EGFR: variants seen among roughly 807,000 people sequenced by gnomAD.
EGFR encodes epidermal growth factor receptor, also known as avian erythroblastic leukemia viral (v-erb-b) oncogene homolog.
In EGFR, 58 loss-of-function variants were observed where a neutral mutation model predicts 143.0. That is an observed-to-expected ratio of 0.41 (90% CI 0.33 to 0.50). The LOEUF (loss-of-function observed/expected upper bound fraction) is 0.50. Among genes scored for constraint, EGFR ranks in the 20% least tolerant of loss-of-function variants. The probability of loss-of-function intolerance (pLI) is 0.39; values close to 1 mark genes in which losing one functional copy is unlikely to be tolerated. For synonymous variants in EGFR, 613 were observed against 594.4 expected, an observed-to-expected ratio of 1.03 and a Z score of -0.45; for missense variants, 1,307 against 1,579.0, an observed-to-expected ratio of 0.83 and a Z score of 2.92.
intron 1 of EGFR, among the ~76,000 whole-genome samples, chr7:55,107,838 C>T (rs1481479749): frequency 6.6e-6 from 1 of 152,194 alleles, no homozygotes; most frequent in South Asian, 2.1e-4. Context: ...TCAAAAGACA[C>T]GCCTACTTGT....
chr7:55,056,929 A>C (rs572111877), intron 1 of EGFR, among the ~76,000 whole-genome samples: 7 of 152,352 alleles, frequency 4.6e-5, no homozygotes, highest in African/African-American at 1.4e-4. Context: ...CCCAGGGCAC[A>C]TTTCAGGGGC....
At chr7:55,090,987 A>G (rs1791072859) in intron 1 of EGFR, among the ~76,000 whole-genome samples, 4 of 152,228 alleles carry the variant, frequency 2.6e-5, no homozygotes, top group African/African-American at 7.2e-5. Flanking sequence ...TTCAAGACAT[A>G]CAATGTTCCT....
intron 1 of EGFR, among the ~76,000 whole-genome samples, chr7:55,083,912 G>A (rs1040221643): frequency 6.6e-6 from 1 of 152,088 alleles, no homozygotes; most frequent in Admixed American, 6.5e-5. Context: ...CAAGAGGAAG[G>A]GATTAGAACA....
intron 1 of EGFR, among the ~76,000 whole-genome samples, chr7:55,082,205 A>G (rs768742644): frequency 2.0e-5 from 3 of 152,212 alleles, no homozygotes; most frequent in African/African-American, 7.2e-5. Flanking sequence ...GAAAGCTGTT[A>G]GAGTGTCAGA....
chr7:55,204,637 C>A (rs1211296661), intron 27 of EGFR, among the ~76,000 whole-genome samples: 9 of 135,528 alleles, frequency 6.6e-5, no homozygotes, highest in African/African-American at 2.5e-4. Flanking sequence ...ACACACACCA[C>A]ACATACATAC....
chr7:55,137,044 C>T (rs1383472353), intron 1 of EGFR, among the ~76,000 whole-genome samples: 1 of 152,154 alleles, frequency 6.6e-6, no homozygotes, highest in Non-Finnish European at 1.5e-5. Context: ...GTTATTCCTA[C>T]TTAATAATAA....
intron 1 of EGFR, among the ~76,000 whole-genome samples, chr7:55,129,172 A>G (rs1793695410): frequency 6.6e-6 from 1 of 152,238 alleles, no homozygotes; most frequent in Non-Finnish European, 1.5e-5. Flanking sequence ...TACATGAGAG[A>G]AAGCCGTGGG....
intron 1 of EGFR, among the ~76,000 whole-genome samples, chr7:55,093,289 G>A (rs1314852785): frequency 1.3e-5 from 2 of 152,120 alleles, no homozygotes; most frequent in African/African-American, 2.4e-5. Flanking sequence ...TCTGATTTCC[G>A]TGTTTGAAAT....
At chr7:55,070,916 T>C (rs1789785073) in intron 1 of EGFR, among the ~76,000 whole-genome samples, 1 of 152,262 alleles carries the variant, frequency 6.6e-6, no homozygotes, top group South Asian at 2.1e-4. Context: ...TAGGAGAATC[T>C]TATTTAATCC....
intron 20 of EGFR, among the ~76,000 whole-genome samples, chr7:55,187,175 C>T (rs911088968): frequency 2.0e-5 from 3 of 152,168 alleles, no homozygotes. Flanking sequence ...CATGGAGCCT[C>T]ATCACAAAGG....
chr7:55,145,669 T>C (rs1179527762), intron 3 of EGFR, among the ~76,000 whole-genome samples: 2 of 152,244 alleles, frequency 1.3e-5, no homozygotes, highest in Non-Finnish European at 1.5e-5. Context: ...TGGGCATTGC[T>C]TCATGAATCA....
At chr7:55,199,009 C>G in intron 23 of EGFR, 146 bp downstream of exon 23, 1 of 1,057,200 alleles carries the variant, frequency 9.5e-7, no homozygotes, top group Middle Eastern at 2.8e-4. Context: ...CTGTAAATAC[C>G]CCTTCAAGCA....
At chr7:55,021,372 C>A (rs1786557048) in intron 1 of EGFR, among the ~76,000 whole-genome samples, 1 of 152,336 alleles carries the variant, frequency 6.6e-6, no homozygotes, top group East Asian at 1.9e-4. Flanking sequence ...AGAGCACCAC[C>A]AAAGCATCAC....
rs185327606 is a variant in EGFR at position 55,156,627 on chromosome 7, C to T, written c.1101C>T (p.Gly367=). The change falls in exon 9 of 28, where the codon GGC becomes GGT. Residue 367 remains glycine (G), a synonymous_variant. Coordinates refer to ENST00000275493, the MANE Select transcript of EGFR (RefSeq NM_005228.5). ...TCAAAAACTGCACCTCCATCAGTGGCGATCTCCACATCCTGCCGGTGGCAT... is the reference window on the plus strand; with the variant it reads ...TCAAAAACTGCACCTCCATCAGTGGTGATCTCCACATCCTGCCGGTGGCAT... ...KHFKNCTSIS[G]DLHILPVAFR... 11 of 1,613,968 alleles carry T rather than the reference C, an allele frequency of 6.8e-6. No homozygotes were observed. The Admixed American group carries it at 1.0e-4, about 15-fold the overall frequency.
In EGFR at chr7:55,136,227, A is replaced by G. The variant is rs1280406042; in HGVS notation, c.89-6059A>G. Among the ~76,000 whole-genome samples, 3 of 152,204 alleles carry G rather than the reference A, an allele frequency of 2.0e-5. No homozygotes were observed. The East Asian group carries it at 5.8e-4, about 29-fold the overall frequency. On this transcript the variant is annotated intron_variant, in intron 1 of 27. Transcript: ENST00000275493. The stretch of plus-strand genomic sequence containing the variant: ...AGTTCATCCTATAAATGAACTATCC[A>G]TTCATCTTATTTGAGATTTTCTTAA...
At chr7:55,107,448 T>TA (rs1338646061) in intron 1 of EGFR, among the ~76,000 whole-genome samples, 6 of 152,200 alleles carry the variant, frequency 3.9e-5, no homozygotes, top group Non-Finnish European at 7.3e-5. Context: ...TTAAGCAATA[T>TA]AAAAAATCTA....
chr7:55,186,189 G>C (rs1362794977), intron 20 of EGFR, among the ~76,000 whole-genome samples: 1 of 152,266 alleles, frequency 6.6e-6, no homozygotes, highest in Non-Finnish European at 1.5e-5. Context: ...GACTGTGAGA[G>C]AGTGAAAGTG....
At chr7:55,196,266 G>T (rs1176038832) in intron 22 of EGFR, among the ~76,000 whole-genome samples, 1 of 131,062 alleles carries the variant, frequency 7.6e-6, no homozygotes, top group Non-Finnish European at 1.6e-5. Flanking sequence ...TTTCTTTAAT[G>T]ATCAGTGATG....
intron 1 of EGFR, among the ~76,000 whole-genome samples, chr7:55,118,899 C>A (rs1793034969): frequency 6.9e-6 from 1 of 145,052 alleles, no homozygotes; most frequent in South Asian, 2.3e-4. Flanking sequence ...ACTTAAAAAA[C>A]TCATACTAGA....
Sources: gnomAD v4.1 joint callset for allele counts (sites outside exome capture counted in the v4.1 genomes callset) on GRCh38, gnomAD v4.1.1 for gene constraint, MANE v1.5 for transcripts, NCBI Gene and HGNC (gene_info 2026-07-23, HGNC 2026-07-21) for gene names.